The following PTCH1 variants were observed in gnomAD, a reference collection of about 807,000 sequenced individuals.
PTCH1 encodes protein patched homolog 1.
A neutral mutation model predicts 144.6 loss-of-function variants in PTCH1; 14 were observed. That is an observed-to-expected ratio of 0.10 (90% CI 0.06 to 0.15). PTCH1 has a LOEUF of 0.15. Among genes scored for constraint, PTCH1 ranks in the 10% least tolerant of loss-of-function variants. The probability of loss-of-function intolerance (pLI) is 1.00; values close to 1 mark genes in which losing one functional copy is unlikely to be tolerated. For missense variants in PTCH1, 1,623 were observed against 1,948.3 expected (o/e 0.83, Z 3.14); for synonymous variants, 833 against 793.6 (o/e 1.05, Z -0.83).
intron 16 of PTCH1, among the ~76,000 whole-genome samples, chr9:95,460,581 AGAAGGAGT>A (rs1376563881): frequency 1.3e-5 from 2 of 152,148 alleles, no homozygotes; most frequent in Non-Finnish European, 1.5e-5. Flanking sequence ...CGGCTCCTAG[AGAAGGAGT>A]GAAGGAAGAA....
In PTCH1 at chr9:95,469,040, G is replaced by A. The variant is rs746898855; in HGVS notation, c.1961C>T (p.Thr654Met). 5.6e-6 allele frequency: 9 copies of A among 1,613,942 alleles called. No homozygotes were observed. The highest frequency in any genetic ancestry group is 4.5e-5 in the East Asian group (2 of 44,890). The change falls in exon 14 of 24, where the codon ACG becomes ATG. Residue 654 changes from threonine to methionine, a missense_variant. Thr to Met is a moderately conservative substitution (Grantham distance 81). Transcript: ENST00000331920. Reference protein sequence around the residue: ...PYSSHSFAHETQITMQSTVQL... With the variant: ...PYSSHSFAHEMQITMQSTVQL... ...GACAGTGGACTGCATGGTAATCTGC[G>A]TTTCATGGGCAAAGCTGTGGCTGCT... is the stretch of plus-strand genomic sequence containing the variant.
rs779013862 is a variant in PTCH1 at position 95,485,868 on chromosome 9, C to T, written c.401G>A (p.Gly134Glu). The change falls in exon 3 of 24, where the codon GGA becomes GAA. Residue 134 changes from glycine (G) to glutamate (E), a missense_variant. Coordinates refer to ENST00000331920, the MANE Select transcript of PTCH1 (RefSeq NM_000264.5). ...ATAATTTAATTCACGACTTACTCGTCCTCCAACTGACAAATATGTACAGGT... is the reference window on the plus strand; with the variant it reads ...ATAATTTAATTCACGACTTACTCGTTCTCCAACTGACAAATATGTACAGGT... ...NVEELWVEVG[G>E]RVSRELNYTR... The T allele has an allele frequency of 3.7e-6, 6 of 1,614,174 alleles. No homozygotes were observed. The highest frequency in any genetic ancestry group is 1.1e-5 in the South Asian group (1 of 91,070).
chr9:95,477,400 C>G (rs1841134355), intron 10 of PTCH1, 147 bp downstream of exon 10: 5 of 1,126,842 alleles, frequency 4.4e-6, no homozygotes, highest in Middle Eastern at 2.8e-4. Flanking sequence ...AGACAGCATT[C>G]CCCTGAAACC....
rs1837871102 is a variant in PTCH1 at position 95,446,278 on chromosome 9, T to C, written c.*115A>G. ...TTACAGTAACAATGAACTGCTGTCCTGGCACAGGGCATCTTTTCCATAACT... is the reference window on the plus strand; with the variant it reads ...TTACAGTAACAATGAACTGCTGTCCCGGCACAGGGCATCTTTTCCATAACT... On this transcript the variant is annotated 3_prime_UTR_variant, in exon 24 of 24. Coordinates refer to ENST00000331920, the MANE Select transcript of PTCH1 (RefSeq NM_000264.5). 21 of 479,208 alleles carry C rather than the reference T, an allele frequency of 4.4e-5. No individual in the cohort carries two copies. The highest frequency in any genetic ancestry group is 3.0e-4 in the South Asian group (20 of 66,840). The allele number at this position is 479,208 out of a possible 1,614,324, so 29.7% of individuals were successfully genotyped here. A position where few individuals can be genotyped will look rare whatever the true frequency, so the allele number is the denominator to read the frequency against.
intron 14 of PTCH1, 110 bp downstream of exon 14, chr9:95,468,641 A>C: frequency 7.3e-7 from 1 of 1,363,774 alleles, no homozygotes; most frequent in Non-Finnish European, 1.0e-6. Flanking sequence ...ACTTAAACGA[A>C]ATTTTTTTTT....
At chr9:95,465,192 C>T (rs955454546) in intron 15 of PTCH1, among the ~76,000 whole-genome samples, 1 of 152,180 alleles carries the variant, frequency 6.6e-6, no homozygotes, top group Admixed American at 6.5e-5. Flanking sequence ...TGCCTCGAGA[C>T]AATCCCCCTT....
rs1234382556 is a variant in PTCH1, at chr9:95,508,521, G to A, written c.-160C>T. ...GGCTCGGGCTCCGGTTGACAGACCA[G>A]CCGCTGCTGCTGCTCACACGGCGGG... On this transcript the variant is annotated 5_prime_UTR_variant, in exon 1 of 24. Transcript: ENST00000331920. 3.0e-6 allele frequency: 3 copies of A among 1,015,084 alleles called. No homozygotes were observed. Among genetic ancestry groups the A allele is most frequent in the Non-Finnish European group, 3.5e-6 (3 of 849,276 alleles). The allele number at this position is 1,015,084 out of a possible 1,614,324, so 62.9% of individuals were successfully genotyped here. A position where few individuals can be genotyped will look rare whatever the true frequency, so the allele number is the denominator to read the frequency against.
At chr9:95,515,653 C>G (rs1487565491) in intron 1 of PTCH1, among the ~76,000 whole-genome samples, 2 of 152,194 alleles carry the variant, frequency 1.3e-5, no homozygotes, top group African/African-American at 2.4e-5. Flanking sequence ...CCCCCGGGCT[C>G]CCCTGAGGCC....
chr9:95,496,018 TTCTG>T (rs1424509003), intron 2 of PTCH1, among the ~76,000 whole-genome samples: 4 of 152,188 alleles, frequency 2.6e-5, no homozygotes, highest in Non-Finnish European at 4.4e-5. Flanking sequence ...TCTGTTATAT[TTCTG>T]TCTTTCTCTT....
At chr9:95,462,454 G>A (rs1015181805) in intron 15 of PTCH1, among the ~76,000 whole-genome samples, 2 of 152,190 alleles carry the variant, frequency 1.3e-5, no homozygotes, top group Non-Finnish European at 2.9e-5. Flanking sequence ...CAGCAGCTCA[G>A]CTGCTTCTGG....
At chr9:95,454,167 T>A (rs1016455294) in intron 19 of PTCH1, among the ~76,000 whole-genome samples, 3 of 152,240 alleles carry the variant, frequency 2.0e-5, no homozygotes, top group African/African-American at 7.2e-5. Flanking sequence ...ATCAAGCCCT[T>A]CTGAACATTG....
chr9:95,490,957 C>T (rs571090395), intron 2 of PTCH1, among the ~76,000 whole-genome samples: 15 of 152,222 alleles, frequency 9.9e-5, no homozygotes, highest in Admixed American at 9.2e-4. Context: ...ACATCATATG[C>T]TTATATCAAA....
rs1467057000 is a variant in PTCH1 at position 95,458,298 on chromosome 9, A to G, written c.2888-5T>C. 2.5e-6 allele frequency: 4 copies of G among 1,613,396 alleles called. No individual in the cohort carries two copies. In the South Asian group the frequency reaches 4.4e-5, roughly 18 times the overall value. ...CGATGGGCTCTGCTGCCGGGACTGG[A>G]CAGAGAAGGGCACAGGTTAGGAGCA... On this transcript the variant is annotated splice_polypyrimidine_tract_variant and splice_region_variant and intron_variant, in intron 17 of 23. Coordinates refer to ENST00000331920, the MANE Select transcript of PTCH1 (RefSeq NM_000264.5). The surrounding 1 kb of genome is among the most constrained non-coding windows in gnomAD (Gnocchi z 4.7).
chr9:95,506,675 C>CGCCCGCTTGCGCGCACCA, intron 1 of PTCH1, 76 bp from the exon 2 acceptor site: 1 of 1,373,904 alleles, frequency 7.3e-7, no homozygotes, highest in Non-Finnish European at 9.5e-7. Flanking sequence ...TGCGCGCACC[C>CGCCCGCTTGCGCGCACCA]GCCCGGTGAG....
intron 20 of PTCH1, chr9:95,451,099 G>A (rs1390538672): frequency 6.6e-6 from 1 of 152,156 alleles, no homozygotes; most frequent in Non-Finnish European, 1.5e-5. Context: ...TTTGACATCA[G>A]ATGAAAGGAG....
intron 3 of PTCH1, among the ~76,000 whole-genome samples, 156 bp downstream of exon 3, chr9:95,485,529 A>G (rs1841892248): frequency 6.6e-6 from 1 of 152,242 alleles, no homozygotes; most frequent in African/African-American, 2.4e-5. Flanking sequence ...ATAAATCAAG[A>G]TGAAAAAAAT....
Position 95,458,300 on chromosome 9 carries a change from A to G in PTCH1, c.2888-7T>C. Reference sequence around the variant, plus strand: ...ATGGGCTCTGCTGCCGGGACTGGACAGAGAAGGGCACAGGTTAGGAGCAGC... The same window carrying G: ...ATGGGCTCTGCTGCCGGGACTGGACGGAGAAGGGCACAGGTTAGGAGCAGC... On this transcript the variant is annotated splice_polypyrimidine_tract_variant and splice_region_variant and intron_variant, in intron 17 of 23. Coordinates refer to ENST00000331920, the MANE Select transcript of PTCH1 (RefSeq NM_000264.5). The surrounding 1 kb of genome is among the most constrained non-coding windows in gnomAD (Gnocchi z 4.7). 6.2e-7 allele frequency: 1 copy of G among 1,613,506 alleles called. No homozygotes were observed. Among genetic ancestry groups the G allele is most frequent in the Non-Finnish European group, 8.5e-7 (1 of 1,179,890 alleles).
chr9:95,507,452 C>T (rs1843772811), intron 1 of PTCH1: 1 of 984,844 alleles, frequency 1.0e-6, no homozygotes, highest in Non-Finnish European at 1.2e-6. Context: ...GCCTCGTAAA[C>T]ACAATGAACC....
chr9:95,480,145 C>G lies in PTCH1; in HGVS notation c.946-55G>C, dbSNP rs193010832. ...GGGAATTAGTAGGCAGGTCACATGC[C>G]TTGTTAAAATCCAGTGCATTAAGGG... On this transcript the variant is annotated intron_variant, in intron 6 of 23. Coordinates refer to ENST00000331920, the MANE Select transcript of PTCH1 (RefSeq NM_000264.5). 6.5e-5 allele frequency: 104 copies of G among 1,611,172 alleles called. No homozygotes were observed. The African/African-American group carries it at 1.2e-3, about 19-fold the overall frequency.
Sources: gnomAD v4.1 joint callset for allele counts (sites outside exome capture counted in the v4.1 genomes callset) on GRCh38, gnomAD v4.1.1 for gene constraint, Gnocchi (gnomAD v3.1) non-coding constraint, MANE v1.5 for transcripts, NCBI Gene and HGNC (gene_info 2026-07-23, HGNC 2026-07-21) for gene names.